Variants in CENPE observed in about 807,000 individuals in gnomAD.
CENPE encodes the protein centromere-associated protein E.
CENPE carries 145 observed loss-of-function variants against 336.1 expected under a neutral mutation model. The ratio of observed to expected loss-of-function variants is 0.43; its 90% CI spans 0.38 to 0.50. CENPE has a LOEUF of 0.50. Among genes scored for constraint, CENPE ranks in the 20% least tolerant of loss-of-function variants. The pLI is 0.00. For synonymous variants in CENPE, 1,013 were observed against 984.8 expected, an observed-to-expected ratio of 1.03 and a Z score of -0.54; for missense variants, 2,719 against 3,023.3, an observed-to-expected ratio of 0.90 and a Z score of 2.36.
intron 46 of CENPE, among the ~76,000 whole-genome samples, chr4:103,112,741 T>C (rs1490797019): frequency 1.8e-5 from 2 of 113,330 alleles, no homozygotes; most frequent in African/African-American, 3.3e-5. Context: ...TATATACTTA[T>C]AAGTATATAA....
rs748419933 is a variant in CENPE, at chr4:103,149,214, A to G, written c.3591T>C (p.Ser1197=). ...KLNENYEEVK[S]ITKERKVLKE... Reference sequence around the variant, plus strand: ...TTAGAACTTTTCTTTCTTTGGTTATAGATTTCACTTCCTCATAATTTTCAT... The same window carrying G: ...TTAGAACTTTTCTTTCTTTGGTTATGGATTTCACTTCCTCATAATTTTCAT... The change falls in exon 27 of 49, where the codon TCT becomes TCC. Residue 1197 remains serine, a synonymous_variant. Coordinates refer to ENST00000265148, the MANE Select transcript of CENPE (RefSeq NM_001813.3). The G allele has an allele frequency of 2.2e-5, 36 of 1,612,508 alleles. No homozygotes were observed. Among genetic ancestry groups the G allele is most frequent in the Non-Finnish European group, 4.2e-6 (5 of 1,179,734 alleles).
chr4:103,121,863 C>T (rs1750653104), intron 43 of CENPE, among the ~76,000 whole-genome samples: 1 of 152,034 alleles, frequency 6.6e-6, no homozygotes. Context: ...CCAAGTAAAC[C>T]ATTTTTTTTT....
chr4:103,169,410 C>T (rs1379592975), intron 16 of CENPE, among the ~76,000 whole-genome samples: 1 of 152,080 alleles, frequency 6.6e-6, no homozygotes, highest in African/African-American at 2.4e-5. Context: ...CAATACATAT[C>T]CACATATAGG....
chr4:103,118,636 ATCT>A (rs773665100), intron 44 of CENPE, among the ~76,000 whole-genome samples: 4 of 152,146 alleles, frequency 2.6e-5, no homozygotes, highest in Non-Finnish European at 4.4e-5. Flanking sequence ...CTCCTATGTC[ATCT>A]TCTTGGAGTT....
intron 46 of CENPE, among the ~76,000 whole-genome samples, chr4:103,113,007 TATATATATACTTATAA>T (rs1749666798): frequency 1.3e-5 from 1 of 74,284 alleles, no homozygotes; most frequent in Non-Finnish European, 2.5e-5. Flanking sequence ...TATATAAGTG[TATATATATACTTATAA>T]GTATATAAGT....
chr4:103,169,743 G>C (rs1755235438), intron 16 of CENPE, among the ~76,000 whole-genome samples: 1 of 152,138 alleles, frequency 6.6e-6, no homozygotes, highest in Admixed American at 6.6e-5. Context: ...CAAGGATCTA[G>C]AACTAGAAAT....
chr4:103,133,820 T>C lies in CENPE; in HGVS notation c.6595A>G (p.Ile2199Val). ...ESINKFEMDF[I>V]DEVEKQKELL... ...TCCTTTTGCTTTTCCACTTCATCAA[T>C]AAAATCCATTTCAAATTTATTGATG... The change falls in exon 41 of 49, where the codon ATT becomes GTT. Residue 2199 changes from isoleucine to valine, a missense_variant. Transcript: ENST00000265148. 6.2e-7 allele frequency: 1 copy of C among 1,604,446 alleles called. No individual in the cohort carries two copies. Among genetic ancestry groups the C allele is most frequent in the Non-Finnish European group, 8.5e-7 (1 of 1,172,670 alleles).
In CENPE at chr4:103,132,834, T is replaced by C. The variant is rs1751708859; in HGVS notation, c.6783A>G (p.Val2261=). The C allele has an allele frequency of 1.9e-6, 3 of 1,570,890 alleles. No individual in the cohort carries two copies. The Admixed American group carries it at 5.5e-5, about 29-fold the overall frequency. The change falls in exon 42 of 49, where the codon GTA becomes GTG. Residue 2261 remains valine (V), a synonymous_variant. Transcript: ENST00000265148. ...GTGTCATTTCTTTCCTATTACTTAG[T>C]ACTTGTTGAAATTCAGTCTTTATGC... is the stretch of plus-strand genomic sequence containing the variant. The part of the protein sequence containing the change: ...FPSIKTEFQQ[V]LSNRKEMTQF...
At chr4:103,176,124 A>C in intron 14 of CENPE, 76 bp from the exon 15 acceptor site, 1 of 832,086 alleles carries the variant, frequency 1.2e-6, no homozygotes, top group East Asian at 2.6e-5. Flanking sequence ...AGATTACTAA[A>C]AAAATTCTTA....
rs976877734 is a variant in CENPE at position 103,194,211 on chromosome 4, T to C, written c.693+18A>G. 1.9e-6 allele frequency: 3 copies of C among 1,599,506 alleles called. No homozygotes were observed. The highest frequency in any genetic ancestry group is 2.6e-6 in the Non-Finnish European group (3 of 1,168,190). On this transcript the variant is annotated intron_variant, in intron 8 of 48. Coordinates refer to ENST00000265148, the MANE Select transcript of CENPE (RefSeq NM_001813.3). Reference sequence around the variant, plus strand: ...TTTTGGCCCATACAGTACATTATTATGGTTCATTAATACTCACCAAATGGG... The same window carrying C: ...TTTTGGCCCATACAGTACATTATTACGGTTCATTAATACTCACCAAATGGG...
chr4:103,188,613 T>C (rs966194023), intron 8 of CENPE, among the ~76,000 whole-genome samples: 3 of 152,080 alleles, frequency 2.0e-5, no homozygotes, highest in Admixed American at 6.5e-5. Context: ...AGACACAACA[T>C]ACCAGAATCT....
intron 45 of CENPE, among the ~76,000 whole-genome samples, chr4:103,116,010 C>T (rs532307537): frequency 9.9e-5 from 15 of 152,158 alleles, no homozygotes; most frequent in Admixed American, 7.9e-4. Flanking sequence ...GGATTGAGAA[C>T]GTATTTCTAC....
chr4:103,121,902 T>G (rs1750657839), intron 43 of CENPE, among the ~76,000 whole-genome samples: 1 of 152,118 alleles, frequency 6.6e-6, no homozygotes, highest in Non-Finnish European at 1.5e-5. Context: ...ACTGTTATCA[T>G]ACACCTGTAC....
At position 103,194,996 on chromosome 4, in the gene CENPE, TCA is replaced by T. The variant is rs1157919033; in HGVS notation, c.477+116_477+117del. On this transcript the variant is annotated intron_variant, in intron 5 of 48. Coordinates refer to ENST00000265148, the MANE Select transcript of CENPE (RefSeq NM_001813.3). Reference sequence around the variant, plus strand: ...GAATATAAATACTTCAAAAAAACCCTCACATACTATAGAAATAGGAGACACTT... The same window carrying T: ...GAATATAAATACTTCAAAAAAACCCTCATACTATAGAAATAGGAGACACTT... 1.0e-5 allele frequency: 9 copies of T among 898,432 alleles called. No individual in the cohort carries two copies. In the African/African-American group the frequency reaches 1.4e-4, roughly 14 times the overall value. The allele number at this position is 898,432 out of a possible 1,614,324, so 55.7% of individuals were successfully genotyped here.
chr4:103,194,615 TA>T lies in CENPE; in HGVS notation c.546del (p.Thr183GlnfsTer14). ...CATAAAGTCTTACTTTCTCCCTTTG[TA>T]ATCCATTTCAAAGCCATTTCTGATG... is the stretch of plus-strand genomic sequence containing the variant. ...VYTSEMALKWITKGEKSRHYG... is the reference protein window; with the variant it reads ...VYTSEMALKWXTKGEKSRHYG... On this transcript the variant is annotated frameshift_variant, in exon 6 of 49. Coordinates refer to ENST00000265148, the MANE Select transcript of CENPE (RefSeq NM_001813.3). LOFTEE classifies it high-confidence loss of function. 2 of 1,606,180 alleles carry T rather than the reference TA, an allele frequency of 1.2e-6. No individual in the cohort carries two copies. Among genetic ancestry groups the T allele is most frequent in the South Asian group, 1.1e-5 (1 of 89,490 alleles).
intron 46 of CENPE, 47 bp downstream of exon 46, chr4:103,114,408 G>A: frequency 1.8e-6 from 2 of 1,136,830 alleles, no homozygotes; most frequent in Non-Finnish European, 2.7e-6. Flanking sequence ...TCTGTTGTGT[G>A]TTGAGAAGTA....
intron 43 of CENPE, among the ~76,000 whole-genome samples, chr4:103,122,005 T>C (rs1390322967): frequency 1.3e-5 from 2 of 152,252 alleles, no homozygotes; most frequent in Non-Finnish European, 2.9e-5. Flanking sequence ...TGTCTAATGA[T>C]AGTAGCATGT....
At chr4:103,180,604 C>T (rs1467568255) in intron 12 of CENPE, 135 bp from the exon 13 acceptor site, 2 of 575,850 alleles carry the variant, frequency 3.5e-6, no homozygotes, top group Non-Finnish European at 5.7e-6. Context: ...ATAAAATATA[C>T]TCTAACTGTA....
chr4:103,174,832 T>C lies in CENPE; in HGVS notation c.1551A>G (p.Leu517=), dbSNP rs1560661648. The change falls in exon 16 of 49, where the codon CTA becomes CTG. Residue 517 remains leucine, a synonymous_variant. Coordinates refer to ENST00000265148, the MANE Select transcript of CENPE (RefSeq NM_001813.3). The stretch of plus-strand genomic sequence containing the variant: ...ATTCCATTTCTTCTTTTTCTGTTCG[T>C]AGTTGTTCATAGTCTAATACCAGAT... The part of the protein sequence containing the change: ...YDNLVLDYEQ[L]RTEKEEMELK... 1 of 1,543,650 alleles carries C rather than the reference T, an allele frequency of 6.5e-7. No individual in the cohort carries two copies. Among genetic ancestry groups the C allele is most frequent in the Non-Finnish European group, 8.7e-7 (1 of 1,144,418 alleles).
Sources: allele counts gnomAD v4.1 joint callset (sites outside exome capture counted in the v4.1 genomes callset), GRCh38; gene constraint gnomAD v4.1.1; transcripts MANE v1.5; gene names NCBI Gene and HGNC (gene_info 2026-07-23, HGNC 2026-07-21).